The following CLSTN2 variants were observed in gnomAD, a reference collection of about 807,000 sequenced individuals.
CLSTN2 encodes the protein calsyntenin-2.
In CLSTN2, 48 loss-of-function variants were observed where a neutral mutation model predicts 101.2. The ratio of observed to expected loss-of-function variants is 0.47; its 90% CI spans 0.38 to 0.60. The LOEUF (loss-of-function observed/expected upper bound fraction) is 0.60. CLSTN2 is among the 20% of genes least tolerant of loss of function. The pLI is 0.00. For synonymous variants in CLSTN2, 481 were observed against 463.6 expected, an observed-to-expected ratio of 1.04 and a Z score of -0.48; for missense variants, 1,160 against 1,238.2, an observed-to-expected ratio of 0.94 and a Z score of 0.95.
chr3:140,086,799 C>T (rs2008690473), intron 1 of CLSTN2, among the ~76,000 whole-genome samples: 1 of 152,220 alleles, frequency 6.6e-6, no homozygotes, highest in Non-Finnish European at 1.5e-5. Context: ...AATCTTCAGG[C>T]ATTGCTCCAA....
chr3:140,531,339 T>C (rs1935251255), intron 8 of CLSTN2, among the ~76,000 whole-genome samples: 1 of 152,246 alleles, frequency 6.6e-6, no homozygotes, highest in Admixed American at 6.5e-5. Context: ...AAAAATCTTA[T>C]TTCAAACTGA....
At chr3:139,961,144 C>T (rs1935501249) in intron 1 of CLSTN2, among the ~76,000 whole-genome samples, 1 of 152,126 alleles carries the variant, frequency 6.6e-6, no homozygotes, top group African/African-American at 2.4e-5. Flanking sequence ...ATAGGGAAGT[C>T]AGGGAAAGGC....
chr3:139,982,584 T>C (rs1035778703), intron 1 of CLSTN2, among the ~76,000 whole-genome samples: 1 of 152,196 alleles, frequency 6.6e-6, no homozygotes, highest in Non-Finnish European at 1.5e-5. Flanking sequence ...ATGGCAACTC[T>C]GACCCACCAC....
At chr3:140,093,591 A>T (rs2008817278) in intron 1 of CLSTN2, among the ~76,000 whole-genome samples, 1 of 152,136 alleles carries the variant, frequency 6.6e-6, no homozygotes, top group Non-Finnish European at 1.5e-5. Flanking sequence ...CTGCCTGAGC[A>T]TTCACTGTTC....
At chr3:140,419,050 C>T (rs1160815898) in intron 4 of CLSTN2, among the ~76,000 whole-genome samples, 2 of 151,196 alleles carry the variant, frequency 1.3e-5, no homozygotes, top group African/African-American at 4.9e-5. Flanking sequence ...AAAAATCTTT[C>T]AAGCATTATT....
chr3:140,114,835 C>T (rs550416296), intron 1 of CLSTN2, among the ~76,000 whole-genome samples: 2 of 152,262 alleles, frequency 1.3e-5, no homozygotes, highest in African/African-American at 2.4e-5. Flanking sequence ...GCGACCTTCA[C>T]CTCTGCCCCC....
intron 2 of CLSTN2, among the ~76,000 whole-genome samples, chr3:140,326,800 C>G (rs1399061316): frequency 6.6e-6 from 1 of 152,228 alleles, no homozygotes; most frequent in Non-Finnish European, 1.5e-5. Flanking sequence ...AAAACTCTCT[C>G]ACTGACCTGT....
chr3:140,215,645 T>G (rs2010910912), intron 2 of CLSTN2, among the ~76,000 whole-genome samples: 1 of 152,110 alleles, frequency 6.6e-6, no homozygotes, highest in African/African-American at 2.4e-5. Flanking sequence ...AGAGAGTCAG[T>G]AGAGTATAGC....
chr3:140,037,870 A>G (rs2007686697), intron 1 of CLSTN2, among the ~76,000 whole-genome samples: 1 of 152,224 alleles, frequency 6.6e-6, no homozygotes, highest in Non-Finnish European at 1.5e-5. Flanking sequence ...TCCAAAAAAC[A>G]TGATCTTGCT....
intron 1 of CLSTN2, among the ~76,000 whole-genome samples, chr3:140,046,345 T>C (rs112484692): frequency 6.6e-6 from 1 of 152,210 alleles, no homozygotes; most frequent in Admixed American, 6.5e-5. Context: ...CCCCTGCCTT[T>C]TTTTGTTTTC....
intron 9 of CLSTN2, among the ~76,000 whole-genome samples, chr3:140,534,585 C>G (rs1010036314): frequency 6.6e-6 from 1 of 152,212 alleles, no homozygotes; most frequent in Non-Finnish European, 1.5e-5. Flanking sequence ...TCCGCCTTAT[C>G]CACAGTCAGT....
In CLSTN2 at chr3:140,329,020, CA is replaced by C. The variant is rs2087356892; in HGVS notation, c.233-74607del. Among the ~76,000 whole-genome samples, 3 of 152,186 alleles carry C rather than the reference CA, an allele frequency of 2.0e-5. No homozygotes were observed. In the South Asian group the frequency reaches 6.2e-4, roughly 32 times the overall value. ...TATCAATTTGATGTATGACTTTAAG[CA>C]AGTTACTTTCTCTTTTGGGACTCAG... is the stretch of plus-strand genomic sequence containing the variant. On this transcript the variant is annotated intron_variant, in intron 2 of 16. Coordinates refer to ENST00000458420, the MANE Select transcript of CLSTN2 (RefSeq NM_022131.3).
intron 1 of CLSTN2, among the ~76,000 whole-genome samples, chr3:140,154,746 G>A (rs34112796): frequency 6.3e-5 from 9 of 143,576 alleles, no homozygotes; most frequent in Non-Finnish European, 1.0e-4. Context: ...CCGGGTTCAC[G>A]CCATTCTCCT....
At chr3:140,359,262 T>A (rs2087703475) in intron 2 of CLSTN2, among the ~76,000 whole-genome samples, 1 of 152,090 alleles carries the variant, frequency 6.6e-6, no homozygotes, top group East Asian at 1.9e-4. Flanking sequence ...AAAACATGTT[T>A]GGTGGGCGAG....
At chr3:140,134,239 C>G (rs559515641) in intron 1 of CLSTN2, among the ~76,000 whole-genome samples, 60 of 152,282 alleles carry the variant, frequency 3.9e-4, no homozygotes, top group Admixed American at 6.5e-4. Flanking sequence ...ATGCCTTTAT[C>G]CCTCCTCTCC....
At chr3:140,179,636 A>AC (rs1425898861) in intron 2 of CLSTN2, among the ~76,000 whole-genome samples, 2 of 149,002 alleles carry the variant, frequency 1.3e-5, no homozygotes, top group Non-Finnish European at 3.0e-5. Context: ...AAAAAAAAAA[A>AC]AAAAAAAAAA....
intron 8 of CLSTN2, among the ~76,000 whole-genome samples, chr3:140,514,191 T>A (rs1308477613): frequency 6.6e-6 from 1 of 152,152 alleles, no homozygotes; most frequent in Non-Finnish European, 1.5e-5. Flanking sequence ...TTTGGCTACA[T>A]GAATAAGTTC....
chr3:140,398,499 A>AAT (rs1408842244), intron 2 of CLSTN2, among the ~76,000 whole-genome samples: 1 of 152,186 alleles, frequency 6.6e-6, no homozygotes, highest in East Asian at 1.9e-4. Context: ...TCTTAGTATT[A>AAT]ATATGATGAT....
At chr3:140,367,213 G>A (rs1414926153) in intron 2 of CLSTN2, among the ~76,000 whole-genome samples, 1 of 151,904 alleles carries the variant, frequency 6.6e-6, no homozygotes, top group Non-Finnish European at 1.5e-5. Flanking sequence ...CGCTACACTT[G>A]ATCTTAGCCA....
Sources: gnomAD v4.1 joint callset for allele counts (sites outside exome capture counted in the v4.1 genomes callset) on GRCh38, gnomAD v4.1.1 for gene constraint, MANE v1.5 for transcripts, NCBI Gene and HGNC (gene_info 2026-07-23, HGNC 2026-07-21) for gene names.